Variants in UBE4B observed in about 807,000 individuals in gnomAD.
The protein encoded by UBE4B is ubiquitin conjugation factor E4 B.
Under a neutral mutation model 148.1 loss-of-function variants are expected in UBE4B, and 27 were observed. That is an observed-to-expected ratio of 0.18 (90% CI 0.13 to 0.25). UBE4B has a LOEUF of 0.25. UBE4B is among the 10% of genes least tolerant of loss of function. UBE4B has a pLI of 1.00. For synonymous variants in UBE4B, 596 were observed against 619.3 expected (o/e 0.96, Z 0.56); for missense variants, 1,170 against 1,662.4 (o/e 0.70, Z 5.15).
chr1:10,163,994 G>A (rs1035086240), intron 23 of UBE4B, among the ~76,000 whole-genome samples: 1 of 150,338 alleles, frequency 6.7e-6, no homozygotes, highest in African/African-American at 2.4e-5. Flanking sequence ...CCCAAAGTGC[G>A]GGGGTTACAG....
intron 25 of UBE4B, among the ~76,000 whole-genome samples, chr1:10,174,955 T>C (rs1646395790): frequency 6.6e-6 from 1 of 152,162 alleles, no homozygotes; most frequent in African/African-American, 2.4e-5. Flanking sequence ...TGCTTTGGTA[T>C]GTCTTAGTTT....
At chr1:10,165,102 C>T (rs568002791) in intron 23 of UBE4B, among the ~76,000 whole-genome samples, 1 of 152,228 alleles carries the variant, frequency 6.6e-6, no homozygotes, top group African/African-American at 2.4e-5. Flanking sequence ...GAATATATCT[C>T]CCTGGCTCAG....
chr1:10,083,288 A>G (rs1644713888), intron 2 of UBE4B, among the ~76,000 whole-genome samples: 3 of 152,200 alleles, frequency 2.0e-5, no homozygotes, highest in Non-Finnish European at 4.4e-5. Context: ...TGCAGACAGA[A>G]GGAAAACAGA....
At chr1:10,137,921 CTTTTTTTTTTTT>C (rs70998351) in intron 17 of UBE4B, among the ~76,000 whole-genome samples, 7 of 66,984 alleles carry the variant, frequency 1.0e-4, no homozygotes, top group African/African-American at 2.1e-4. Context: ...CTTACTAATT[CTTTTTTTTTTTT>C]TTTTTTTTTT....
intron 7 of UBE4B, among the ~76,000 whole-genome samples, chr1:10,116,099 G>C (rs1645303758): frequency 6.6e-6 from 1 of 152,086 alleles, no homozygotes; most frequent in Admixed American, 6.6e-5. Flanking sequence ...GTGTGTCCTG[G>C]GTTGAAGTAG....
chr1:10,161,042 A>G lies in UBE4B; in HGVS notation c.3054-100A>G, dbSNP rs1284737633. ...AGGGTAGCCAGGCTTTTAGGGTGAGATAGTTGCAGTCTGGGTGGAGGTGCT... is the reference window on the plus strand; with the variant it reads ...AGGGTAGCCAGGCTTTTAGGGTGAGGTAGTTGCAGTCTGGGTGGAGGTGCT... On this transcript the variant is annotated intron_variant, in intron 22 of 27. Transcript: ENST00000343090. This position sits in a 1 kb window ranked among gnomAD's most constrained non-coding sequence, Gnocchi z 4.1. 4 of 1,363,102 alleles carry G rather than the reference A, an allele frequency of 2.9e-6. No individual in the cohort carries two copies. Among genetic ancestry groups the G allele is most frequent in the African/African-American group, 1.4e-5 (1 of 69,370 alleles). The allele number at this position is 1,363,102 out of a possible 1,614,324, so 84.4% of individuals were successfully genotyped here.
chr1:10,151,279 A>T (rs185341681), intron 20 of UBE4B, 47 bp from the exon 21 acceptor site: 9 of 1,576,606 alleles, frequency 5.7e-6, no homozygotes, highest in Non-Finnish European at 7.8e-6. Flanking sequence ...TGAGTTTCTC[A>T]GCAGTTTCTC....
At chr1:10,072,572 G>A in intron 2 of UBE4B, 3 of 692,486 alleles carry the variant, frequency 4.3e-6, no homozygotes, top group Non-Finnish European at 7.9e-6. Context: ...TAAAATAATG[G>A]TCAAAATGAA....
intron 2 of UBE4B, among the ~76,000 whole-genome samples, chr1:10,083,150 G>A (rs1432227055): frequency 1.3e-5 from 2 of 152,012 alleles, no homozygotes; most frequent in African/African-American, 4.8e-5. Flanking sequence ...ATTCCTTTGG[G>A]TGTATATACC....
chr1:10,129,009 A>G, intron 11 of UBE4B: 1 of 166,684 alleles, frequency 6.0e-6, no homozygotes, highest in Non-Finnish European at 1.3e-5. Flanking sequence ...GGAGCCATCT[A>G]AAGTTTATGA....
chr1:10,070,038 G>A (rs1022001959), intron 1 of UBE4B, among the ~76,000 whole-genome samples: 1 of 152,070 alleles, frequency 6.6e-6, no homozygotes, highest in African/African-American at 2.4e-5. Context: ...ACTTTGGGGG[G>A]CCGAGGTGGA....
intron 16 of UBE4B, among the ~76,000 whole-genome samples, chr1:10,136,182 T>C (rs747439945): frequency 6.6e-6 from 1 of 152,010 alleles, no homozygotes; most frequent in Non-Finnish European, 1.5e-5. Context: ...TCACCAAAGA[T>C]TGTTGATGGG....
At chr1:10,090,326 C>T (rs1432780962) in intron 2 of UBE4B, among the ~76,000 whole-genome samples, 3 of 151,984 alleles carry the variant, frequency 2.0e-5, no homozygotes, top group African/African-American at 7.3e-5. Flanking sequence ...CCCTGTGTCA[C>T]GCAGGCTGGT....
intron 1 of UBE4B, among the ~76,000 whole-genome samples, chr1:10,051,039 C>T (rs1644030462): frequency 6.6e-6 from 1 of 152,102 alleles, no homozygotes; most frequent in Non-Finnish European, 1.5e-5. Flanking sequence ...ACAGGACTTG[C>T]TCTATGGCCC....
At chr1:10,130,411 A>G in intron 12 of UBE4B, 89 bp from the exon 13 acceptor site, 1 of 1,104,226 alleles carries the variant, frequency 9.1e-7, no homozygotes, top group Non-Finnish European at 1.4e-6. Context: ...ATATCTTGTG[A>G]AAATACAGAG....
chr1:10,070,581 T>G (rs1438145122), intron 1 of UBE4B, among the ~76,000 whole-genome samples: 1 of 152,158 alleles, frequency 6.6e-6, no homozygotes, highest in Non-Finnish European at 1.5e-5. Context: ...ATTTTCAAAT[T>G]TTATAGAAAT....
chr1:10,037,551 G>C (rs1643587156), intron 1 of UBE4B, among the ~76,000 whole-genome samples: 1 of 152,010 alleles, frequency 6.6e-6, no homozygotes, highest in South Asian at 2.1e-4. Flanking sequence ...AGGTGGTGCT[G>C]TGAGTAGGTG....
At chr1:10,081,841 G>A (rs1226074239) in intron 2 of UBE4B, among the ~76,000 whole-genome samples, 1 of 152,002 alleles carries the variant, frequency 6.6e-6, no homozygotes, top group South Asian at 2.1e-4. Context: ...TGCCCGCTTC[G>A]GCCTCCCAAA....
At chr1:10,052,596 G>A (rs1644072994) in intron 1 of UBE4B, among the ~76,000 whole-genome samples, 2 of 152,214 alleles carry the variant, frequency 1.3e-5, no homozygotes, top group African/African-American at 4.8e-5. Flanking sequence ...GCAGGCAGAG[G>A]TGCCCCACGC....
Sources: allele counts gnomAD v4.1 joint callset (sites outside exome capture counted in the v4.1 genomes callset), GRCh38; gene constraint gnomAD v4.1.1; non-coding constraint Gnocchi (gnomAD v3.1); transcripts MANE v1.5; gene names NCBI Gene and HGNC (gene_info 2026-07-23, HGNC 2026-07-21).